Variants in ARRB1 observed in about 807,000 individuals in gnomAD.
ARRB1 encodes arrestin beta 1.
A neutral mutation model predicts 56.8 loss-of-function variants in ARRB1; 21 were observed. The observed-to-expected ratio is 0.37, with a 90% confidence interval of 0.26 to 0.53. The LOEUF is 0.53. Among genes scored for constraint, ARRB1 ranks in the 20% least tolerant of loss-of-function variants. ARRB1 has a pLI of 0.88. For synonymous variants in ARRB1, 210 were observed against 218.6 expected (o/e 0.96, Z 0.35); for missense variants, 424 against 553.7 (o/e 0.77, Z 2.35).
rs994530532 is a variant in ARRB1 at position 75,290,085 on chromosome 11, C to T, written c.21-46G>A. On this transcript the variant is annotated intron_variant, in intron 1 of 15. Coordinates refer to ENST00000420843, the MANE Select transcript of ARRB1 (RefSeq NM_004041.5). Reference sequence around the variant, plus strand: ...CAGGCCAGGGTTCGCGTATCCTGCCCAGGGGCAAGCTCCTGCGGGCCACCT... The same window carrying T: ...CAGGCCAGGGTTCGCGTATCCTGCCTAGGGGCAAGCTCCTGCGGGCCACCT... 1.1e-5 allele frequency: 18 copies of T among 1,612,774 alleles called. No individual in the cohort carries two copies. In the East Asian group the frequency reaches 2.2e-4, roughly 20 times the overall value.
chr11:75,315,632 T>C (rs1439819319), intron 1 of ARRB1, among the ~76,000 whole-genome samples: 2 of 152,104 alleles, frequency 1.3e-5, no homozygotes, highest in Non-Finnish European at 2.9e-5. Context: ...GACCACGTAC[T>C]CTCCTAGAGA....
At chr11:75,319,310 G>A (rs1947309875) in intron 1 of ARRB1, among the ~76,000 whole-genome samples, 1 of 152,196 alleles carries the variant, frequency 6.6e-6, no homozygotes, top group South Asian at 2.1e-4. Flanking sequence ...TCCAAGCCCA[G>A]GCCCGCAGCA....
chr11:75,320,639 C>G (rs1947333874), intron 1 of ARRB1, among the ~76,000 whole-genome samples: 1 of 152,210 alleles, frequency 6.6e-6, no homozygotes, highest in Admixed American at 6.5e-5. Flanking sequence ...TCCGATTCCT[C>G]CTTCGAGACC....
chr11:75,342,288 C>T (rs2134995672), intron 1 of ARRB1, among the ~76,000 whole-genome samples: 1 of 152,262 alleles, frequency 6.6e-6, no homozygotes, highest in East Asian at 1.9e-4. Flanking sequence ...ATTTCTGAGC[C>T]TCCCCTGTTA....
intron 1 of ARRB1, 44 bp from the exon 2 acceptor site, chr11:75,290,083 C>G (rs1946569957): frequency 1.9e-6 from 3 of 1,613,010 alleles, no homozygotes; most frequent in African/African-American, 2.7e-5. Context: ...GCGTATCCTG[C>G]CCAGGGGCAA....
chr11:75,311,273 T>G (rs937496872), intron 1 of ARRB1, among the ~76,000 whole-genome samples: 9 of 152,200 alleles, frequency 5.9e-5, no homozygotes, highest in African/African-American at 2.2e-4. Context: ...GAGGCACAGG[T>G]TGCAGTGAGC....
rs142235651 is a variant in ARRB1, at chr11:75,338,335, G to A, written c.20+13253C>T. On this transcript the variant is annotated intron_variant, in intron 1 of 15. Transcript: ENST00000420843. ...AATTGTAATGATCCAGGCCAGGAGT[G>A]GGGCTTGACCTGAGCCAGTGGCGGT... Among the ~76,000 whole-genome samples, 430 of 152,254 alleles carry A rather than the reference G, an allele frequency of 2.8e-3. 1 individual carries two copies. The highest frequency in any genetic ancestry group is 1.0e-2 in the African/African-American group (414 of 41,540).
intron 1 of ARRB1, among the ~76,000 whole-genome samples, chr11:75,326,135 A>G (rs1947429799): frequency 6.6e-6 from 1 of 152,162 alleles, no homozygotes; most frequent in East Asian, 1.9e-4. Context: ...CTGCTCAGGC[A>G]GCTCTGGAGA....
intron 1 of ARRB1, among the ~76,000 whole-genome samples, chr11:75,341,446 CT>C (rs1947692409): frequency 6.6e-6 from 1 of 152,140 alleles, no homozygotes; most frequent in Admixed American, 6.5e-5. Context: ...CCGACAATGG[CT>C]TTTTATGAAG....
intron 1 of ARRB1, among the ~76,000 whole-genome samples, chr11:75,310,823 A>G (rs538081604): frequency 2.8e-4 from 42 of 152,278 alleles, no homozygotes; most frequent in African/African-American, 9.6e-4. Context: ...GGTCTGCTCA[A>G]TTCTAAGGGC....
intron 1 of ARRB1, among the ~76,000 whole-genome samples, chr11:75,348,399 ACATGT>A (rs1440567948): frequency 1.3e-5 from 2 of 152,012 alleles, no homozygotes; most frequent in African/African-American, 4.8e-5. Context: ...CTCCCACAAC[ACATGT>A]CATCCTGCGT....
At chr11:75,314,133 C>T (rs992708592) in intron 1 of ARRB1, among the ~76,000 whole-genome samples, 1 of 152,334 alleles carries the variant, frequency 6.6e-6, no homozygotes, top group Non-Finnish European at 1.5e-5. Flanking sequence ...TTCGGGGTCT[C>T]CCACAGGACT....
At chr11:75,329,358 C>T (rs146453197) in intron 1 of ARRB1, among the ~76,000 whole-genome samples, 9,399 of 152,202 alleles carry the variant, frequency 0.062, 318 homozygotes, top group Middle Eastern at 0.1. Context: ...CCTGCCTTGG[C>T]CTCCCAAAGT....
chr11:75,270,441 A>C (rs1027673396), intron 13 of ARRB1, among the ~76,000 whole-genome samples: 6 of 152,228 alleles, frequency 3.9e-5, no homozygotes, highest in African/African-American at 1.4e-4. Context: ...CAGCCTGGCC[A>C]AGATAGTGAA....
rs1947294099 is a variant in ARRB1 at position 75,318,175 on chromosome 11, G to GAA, written c.21-28137_21-28136insTT. ...TTTTTTTTTTTTTTTTTTTTTTTTTGAGAGAGAGAGAGATTGGATCTCACT... is the reference window on the plus strand; with the variant it reads ...TTTTTTTTTTTTTTTTTTTTTTTTTGAAAGAGAGAGAGAGATTGGATCTCACT... On this transcript the variant is annotated intron_variant, in intron 1 of 15. Transcript: ENST00000420843. Among the ~76,000 whole-genome samples the GAA allele has an allele frequency of 7.8e-5, 4 of 51,036 alleles. 1 individual carries two copies. Among genetic ancestry groups the GAA allele is most frequent in the Non-Finnish European group, 1.6e-4 (4 of 24,436 alleles). 33.5% of individuals were successfully genotyped at this position (51,036 alleles called of 152,430 possible).
At chr11:75,350,258 G>C (rs1383394089) in intron 1 of ARRB1, among the ~76,000 whole-genome samples, 5 of 152,190 alleles carry the variant, frequency 3.3e-5, no homozygotes, top group Admixed American at 6.5e-5. Context: ...TGTCTCTCTA[G>C]TCTGTTAGCT....
intron 1 of ARRB1, chr11:75,306,581 T>G (rs1478706943): frequency 1.2e-5 from 16 of 1,287,618 alleles, no homozygotes; most frequent in Non-Finnish European, 1.6e-5. Flanking sequence ...GCCCAAAGAT[T>G]CAGTGGAGTG....
intron 1 of ARRB1, among the ~76,000 whole-genome samples, chr11:75,342,477 C>G (rs192460187): frequency 5.3e-5 from 8 of 152,314 alleles, no homozygotes; most frequent in Middle Eastern, 3.4e-3. Flanking sequence ...CGATGGGGAG[C>G]TCTGTGCTCT....
chr11:75,341,256 G>T (rs1486351909), intron 1 of ARRB1, among the ~76,000 whole-genome samples: 1 of 152,064 alleles, frequency 6.6e-6, no homozygotes, highest in Admixed American at 6.6e-5. Flanking sequence ...TCCCACCTCA[G>T]CCTCCCTGGT....
Sources: allele counts gnomAD v4.1 joint callset (sites outside exome capture counted in the v4.1 genomes callset), GRCh38; gene constraint gnomAD v4.1.1; transcripts MANE v1.5; gene names NCBI Gene and HGNC (gene_info 2026-07-23, HGNC 2026-07-21).